Variants in PHF8 observed in about 807,000 individuals in gnomAD.
PHF8 encodes PHD finger protein 8.
In PHF8, 9 loss-of-function variants were observed where a neutral mutation model predicts 74.4. That is an observed-to-expected ratio of 0.12 (90% CI 0.07 to 0.21). The LOEUF (loss-of-function observed/expected upper bound fraction) is 0.21. Ranked by LOEUF, PHF8 falls within the 10% of genes least tolerant of loss-of-function variation. The pLI, the probability that PHF8 is intolerant of heterozygous loss-of-function variation, is 1.00. For missense variants in PHF8, 478 were observed against 816.6 expected, an observed-to-expected ratio of 0.59 and a Z score of 5.05; for synonymous variants, 311 against 316.6, an observed-to-expected ratio of 0.98 and a Z score of 0.19.
At chrX:53,967,385 G>A (rs1356885079) in intron 18 of PHF8, among the ~76,000 whole-genome samples, 5 of 91,459 alleles carry the variant, frequency 5.5e-5, no homozygotes, top group East Asian at 7.0e-4. Flanking sequence ...CCCCCCGCCC[G>A]GCCAGCCGCC....
At chrX:53,956,675 C>CGTGTGTGT (rs376217153) in intron 19 of PHF8, among the ~76,000 whole-genome samples, 50 of 97,559 alleles carry the variant, frequency 5.1e-4, no homozygotes, top group African/African-American at 1.6e-3. Context: ...AAAATATGTG[C>CGTGTGTGT]GTGTGTGTGT....
Position 53,993,646 on chromosome X carries a change from T to C in PHF8, c.1581A>G (p.Thr527=). Residue 527 remains threonine, a synonymous_variant, in exon 13 of 22, where the codon ACA becomes ACG. Transcript: ENST00000338154. ...AGQLSYNLMD[T]YSHQALKTGS... ...CTGTCTTCAGTGCCTGATGACTGTATGTGTCCATGAGATTATAGCTCAACT... is the reference window on the plus strand; with the variant it reads ...CTGTCTTCAGTGCCTGATGACTGTACGTGTCCATGAGATTATAGCTCAACT... 8.3e-7 allele frequency: 1 copy of C among 1,211,557 alleles called. No individual in the cohort carries two copies. Among genetic ancestry groups the C allele is most frequent in the Non-Finnish European group, 1.1e-6 (1 of 894,992 alleles).
chrX:53,971,130 A>C (rs1390460911), intron 18 of PHF8, among the ~76,000 whole-genome samples: 1 of 111,774 alleles, frequency 8.9e-6, no homozygotes, highest in Non-Finnish European at 1.9e-5. Flanking sequence ...CTGAAATCAT[A>C]ACAGTCTCTC....
At chrX:54,004,673 G>GT (rs1468612288) in intron 8 of PHF8, among the ~76,000 whole-genome samples, 1 of 111,566 alleles carries the variant, frequency 9.0e-6, no homozygotes, top group Non-Finnish European at 1.9e-5. Flanking sequence ...GCTCACGCCT[G>GT]TAATCCCAGC....
At chrX:53,954,147 T>A (rs2064974163) in intron 19 of PHF8, among the ~76,000 whole-genome samples, 1 of 111,354 alleles carries the variant, frequency 9.0e-6, no homozygotes, top group Non-Finnish European at 1.9e-5. Flanking sequence ...ATAAATTCAA[T>A]AATAATAGCT....
chrX:54,021,606 C>G (rs1557109919), intron 4 of PHF8, among the ~76,000 whole-genome samples: 2 of 105,890 alleles, frequency 1.9e-5, no homozygotes, highest in Non-Finnish European at 3.9e-5. Context: ...GTAGCTGGGA[C>G]TACAGGCGCC....
intron 19 of PHF8, among the ~76,000 whole-genome samples, chrX:53,960,232 C>T (rs1361023281): frequency 5.6e-5 from 6 of 107,280 alleles, no homozygotes; most frequent in Non-Finnish European, 9.6e-5. Flanking sequence ...CCTGCCACCA[C>T]GCCCGGCTAA....
intron 6 of PHF8, among the ~76,000 whole-genome samples, chrX:54,015,806 T>C (rs1364340122): frequency 9.0e-6 from 1 of 110,915 alleles, no homozygotes; most frequent in Non-Finnish European, 1.9e-5. Flanking sequence ...TTTCCCACAT[T>C]TCTGACCCAA....
chrX:54,034,347 T>C (rs1557113384), intron 2 of PHF8, among the ~76,000 whole-genome samples: 1 of 111,571 alleles, frequency 9.0e-6, no homozygotes, highest in African/African-American at 3.3e-5. Flanking sequence ...TGACAGAGGC[T>C]CTCTCATCAG....
At chrX:53,965,538 C>G (rs1557092254) in intron 18 of PHF8, among the ~76,000 whole-genome samples, 1 of 112,228 alleles carries the variant, frequency 8.9e-6, no homozygotes, top group Non-Finnish European at 1.9e-5. Context: ...ACTCGGGAGG[C>G]TGAGGCACGA....
chrX:54,020,414 G>A (rs1208494031), intron 4 of PHF8, among the ~76,000 whole-genome samples: 2 of 111,165 alleles, frequency 1.8e-5, no homozygotes, highest in Non-Finnish European at 3.8e-5. Context: ...GTAGAGGACT[G>A]GTTAAATAAA....
intron 5 of PHF8, 31 bp downstream of exon 5, chrX:54,017,630 G>A (rs782613422): frequency 1.9e-5 from 22 of 1,138,678 alleles, no homozygotes; most frequent in Non-Finnish European, 2.6e-5. Flanking sequence ...AATGAACAAT[G>A]TTACAGTTAA....
At chrX:53,943,271 G>T in intron 20 of PHF8, 1 of 947,164 alleles carries the variant, frequency 1.1e-6, no homozygotes, top group Non-Finnish European at 1.4e-6. Flanking sequence ...TGTAATGACT[G>T]AACTACATAA....
At chrX:53,942,964 C>T (rs1283313304) in intron 20 of PHF8, 5 of 753,469 alleles carry the variant, frequency 6.6e-6, no homozygotes, top group Admixed American at 8.7e-5. Flanking sequence ...GTGTGCTATA[C>T]GAAGGAAGTC....
At chrX:54,013,679 G>A (rs1249095717) in intron 7 of PHF8, among the ~76,000 whole-genome samples, 2 of 109,716 alleles carry the variant, frequency 1.8e-5, no homozygotes, top group Non-Finnish European at 3.8e-5. Context: ...TTAGCTAGGC[G>A]TGGTGGTGGG....
intron 20 of PHF8, chrX:53,943,332 G>A: frequency 3.5e-6 from 3 of 857,861 alleles, no homozygotes; most frequent in Non-Finnish European, 3.3e-6. Context: ...GAGGATATGA[G>A]TTTGAGTTGT....
chrX:54,037,403 C>CA (rs1289660000), intron 2 of PHF8, among the ~76,000 whole-genome samples: 1 of 111,202 alleles, frequency 9.0e-6, no homozygotes, highest in Non-Finnish European at 1.9e-5. Flanking sequence ...ATGTGCCACC[C>CA]ACCCTGCTAA....
At chrX:54,040,537 A>G (rs782090420) in intron 2 of PHF8, among the ~76,000 whole-genome samples, 27 of 112,138 alleles carry the variant, frequency 2.4e-4, no homozygotes, top group Non-Finnish European at 4.3e-4. Flanking sequence ...ACCAAGAGGA[A>G]GAAGGACTTT....
At chrX:54,036,571 C>CA (rs1160936317) in intron 2 of PHF8, among the ~76,000 whole-genome samples, 857 of 6,011 alleles carry the variant, frequency 0.14, 135 homozygotes, top group East Asian at 0.37. Flanking sequence ...GACACTGTCT[C>CA]AAAAAAAAAA....
Sources: allele counts gnomAD v4.1 joint callset (sites outside exome capture counted in the v4.1 genomes callset), GRCh38; gene constraint gnomAD v4.1.1; transcripts MANE v1.5; gene names NCBI Gene and HGNC (gene_info 2026-07-23, HGNC 2026-07-21).